TRIP12: variants seen among roughly 807,000 people sequenced by gnomAD.
TRIP12 encodes E3 ubiquitin-protein ligase TRIP12.
TRIP12 carries 25 observed loss-of-function variants against 244.2 expected under a neutral mutation model. The observed-to-expected ratio is 0.10, with a 90% confidence interval of 0.07 to 0.14. TRIP12 has a LOEUF of 0.14. Among genes scored for constraint, TRIP12 ranks in the 10% least tolerant of loss-of-function variants. The pLI is 1.00. For missense variants in TRIP12, 1,677 were observed against 2,486.4 expected (o/e 0.67, Z 6.92); for synonymous variants, 905 against 873.1 (o/e 1.04, Z -0.64).
intron 8 of TRIP12, among the ~76,000 whole-genome samples, chr2:229,824,058 C>T (rs2050825239): frequency 6.6e-6 from 1 of 152,014 alleles, no homozygotes; most frequent in African/African-American, 2.4e-5. Flanking sequence ...GTTTATAACA[C>T]GTATATATAG....
At chr2:229,814,164 C>T (rs1243750245) in intron 12 of TRIP12, 69 bp downstream of exon 12, 4 of 1,566,290 alleles carry the variant, frequency 2.6e-6, no homozygotes, top group Non-Finnish European at 3.5e-6. Flanking sequence ...ATCAAGTAGC[C>T]TGTACAAATG....
At chr2:229,888,803 CA>C (rs146081270) in intron 1 of TRIP12, among the ~76,000 whole-genome samples, 2 of 135,338 alleles carry the variant, frequency 1.5e-5, no homozygotes, top group Admixed American at 7.4e-5. Context: ...ACTTTGCCTC[CA>C]AAAAAAAAAC....
At chr2:229,797,351 G>C (rs2043070752) in intron 24 of TRIP12, among the ~76,000 whole-genome samples, 1 of 152,182 alleles carries the variant, frequency 6.6e-6, no homozygotes, top group Non-Finnish European at 1.5e-5. Flanking sequence ...GAAGAGAGGG[G>C]CTAAGGAAGG....
chr2:229,867,260 G>T (rs1408807169), intron 2 of TRIP12, among the ~76,000 whole-genome samples: 1 of 150,878 alleles, frequency 6.6e-6, no homozygotes, highest in African/African-American at 2.4e-5. Flanking sequence ...CTGCCTCCTG[G>T]GTTCAAGAGA....
intron 21 of TRIP12, among the ~76,000 whole-genome samples, chr2:229,800,100 G>A (rs2043888047): frequency 6.6e-6 from 1 of 152,058 alleles, no homozygotes; most frequent in Admixed American, 6.5e-5. Context: ...TAACCAAAAT[G>A]GCCGTGAGTA....
At chr2:229,787,312 G>A (rs1409451982) in intron 33 of TRIP12, among the ~76,000 whole-genome samples, 193 bp downstream of exon 33, 2 of 152,110 alleles carry the variant, frequency 1.3e-5, no homozygotes, top group Non-Finnish European at 2.9e-5. Context: ...GGGGGGTGGG[G>A]AGGAGAGAAA....
rs1487998187 is a variant in TRIP12, at chr2:229,807,554, A to C, written c.2496+154T>G. 3.2e-6 allele frequency: 3 copies of C among 942,088 alleles called. No homozygotes were observed. In the Admixed American group the frequency reaches 5.6e-5, roughly 18 times the overall value. The allele number at this position is 942,088 out of a possible 1,614,324, so 58.4% of individuals were successfully genotyped here. ...CATGAAGTTTTCTGACCTGAACAGA[A>C]ATGAGGACCTTGTTCTCAGGAGACA... On this transcript the variant is annotated intron_variant, in intron 17 of 41. Coordinates refer to ENST00000675903, the MANE Select transcript of TRIP12 (RefSeq NM_001348323.3).
chr2:229,896,291 T>C (rs2068797305), intron 1 of TRIP12, among the ~76,000 whole-genome samples: 1 of 152,158 alleles, frequency 6.6e-6, no homozygotes, highest in African/African-American at 2.4e-5. Flanking sequence ...TTAAATATAC[T>C]GTTTTACTTT....
At chr2:229,914,875 A>G (rs1214035657) in intron 1 of TRIP12, among the ~76,000 whole-genome samples, 1 of 152,248 alleles carries the variant, frequency 6.6e-6, no homozygotes, top group African/African-American at 2.4e-5. Context: ...AAATATGTAC[A>G]TGCTCTCTAA....
chr2:229,880,060 T>C lies in TRIP12; in HGVS notation c.20A>G (p.Asn7Ser), dbSNP rs2064508628. 1.2e-6 allele frequency: 2 copies of C among 1,614,048 alleles called. No individual in the cohort carries two copies. Among genetic ancestry groups the C allele is most frequent in the African/African-American group, 1.3e-5 (1 of 74,898 alleles). ...ACGTCGCAGTGACCCCCCTGGATTG[T>C]TATTAGGCCGGTTGGACATTGGCAC... MSNRPN[N>S]NPGGSLRRSQ... The change falls in exon 2 of 42, where the codon AAC becomes AGC. Residue 7 changes from asparagine to serine, a missense_variant. By Grantham distance (46) the Asn-to-Ser change is conservative. Around this residue, in one of 11 missense-constraint regions of TRIP12, gnomAD observed 387 missense variants for 392.6 expected, o/e 0.99. Coordinates refer to ENST00000675903, the MANE Select transcript of TRIP12 (RefSeq NM_001348323.3).
At chr2:229,767,885 T>C (rs965868982) in intron 41 of TRIP12, 135 bp from the exon 42 acceptor site, 7 of 853,828 alleles carry the variant, frequency 8.2e-6, no homozygotes, top group South Asian at 1.9e-5. Flanking sequence ...ACATTCAATA[T>C]ACATTAAGTG....
intron 4 of TRIP12, among the ~76,000 whole-genome samples, chr2:229,850,543 G>T (rs886736644): frequency 6.6e-6 from 1 of 152,202 alleles, no homozygotes; most frequent in Non-Finnish European, 1.5e-5. Context: ...AAACTGAAAG[G>T]TGACAGCGTG....
At chr2:229,855,616 AAAAAAAAAG>A (rs1156641443) in intron 4 of TRIP12, among the ~76,000 whole-genome samples, 5 of 125,160 alleles carry the variant, frequency 4.0e-5, no homozygotes, top group Middle Eastern at 4.0e-3. Context: ...AAAAAAAAAA[AAAAAAAAAG>A]AGAAAAGAAA....
At chr2:229,768,792 C>T in intron 40 of TRIP12, 73 bp from the exon 41 acceptor site, 1 of 1,324,500 alleles carries the variant, frequency 7.6e-7, no homozygotes, top group Non-Finnish European at 1.0e-6. Context: ...TGCATCGCAT[C>T]ACATGACATA....
chr2:229,850,750 C>G (rs900942566), intron 4 of TRIP12, among the ~76,000 whole-genome samples: 3 of 152,338 alleles, frequency 2.0e-5, no homozygotes, highest in African/African-American at 7.2e-5. Context: ...GGGCTGCACC[C>G]GGCGCTTGCG....
In TRIP12 at chr2:229,903,018, C is replaced by CTTTTTTTTTTTTTTTTTTTTTT. The variant is rs57794819; in HGVS notation, c.-50+18861_-50+18862insAAAAAAAAAAAAAAAAAAAAAA. Among the ~76,000 whole-genome samples, 2 of 104,898 alleles carry CTTTTTTTTTTTTTTTTTTTTTT rather than the reference C, an allele frequency of 1.9e-5. 1 individual carries two copies. 68.8% of individuals were successfully genotyped at this position (104,898 alleles called of 152,430 possible). A position where few individuals can be genotyped will look rare whatever the true frequency, so the allele number is the denominator to read the frequency against. On this transcript the variant is annotated intron_variant, in intron 1 of 41. Coordinates refer to ENST00000675903, the MANE Select transcript of TRIP12 (RefSeq NM_001348323.3). ...GGTTTTTTTTTCTTTTTCTTTTTTTCTTTTTTTTTTTTTTTTTTGCCAGAA... is the reference window on the plus strand; with the variant it reads ...GGTTTTTTTTTCTTTTTCTTTTTTTCTTTTTTTTTTTTTTTTTTTTTTTTTTTTTTTTTTTTTTTTGCCAGAA...
intron 37 of TRIP12, among the ~76,000 whole-genome samples, chr2:229,775,276 T>G (rs2035856056): frequency 6.6e-6 from 1 of 152,062 alleles, no homozygotes; most frequent in Non-Finnish European, 1.5e-5. Flanking sequence ...CCATTTTTAC[T>G]TCTCTGCAAA....
intron 8 of TRIP12, among the ~76,000 whole-genome samples, chr2:229,824,752 T>C (rs1015750213): frequency 3.9e-5 from 6 of 152,174 alleles, no homozygotes; most frequent in Non-Finnish European, 8.8e-5. Context: ...ATGGACAATA[T>C]AGATATTTAT....
intron 1 of TRIP12, among the ~76,000 whole-genome samples, chr2:229,912,094 T>C (rs560112002): frequency 5.9e-5 from 9 of 152,364 alleles, no homozygotes; most frequent in South Asian, 4.1e-4. Flanking sequence ...AAATGACTGA[T>C]AGCTTCCACT....
Sources: allele counts gnomAD v4.1 joint callset (sites outside exome capture counted in the v4.1 genomes callset), GRCh38; gene constraint gnomAD v4.1.1; regional missense constraint gnomAD v4.1.1; transcripts MANE v1.5; gene names NCBI Gene and HGNC (gene_info 2026-07-23, HGNC 2026-07-21).